The following SPAG16 variants were observed in gnomAD, a reference collection of about 807,000 sequenced individuals.
The protein encoded by SPAG16 is sperm-associated antigen 16 protein.
A neutral mutation model predicts 80.4 loss-of-function variants in SPAG16; 86 were observed. The observed-to-expected ratio is 1.07, with a 90% confidence interval of 0.90 to 1.28. SPAG16 has a LOEUF of 1.28. Ranked by LOEUF, SPAG16 falls within the 50% of genes most tolerant of loss-of-function variation. The pLI is 0.00. For synonymous variants in SPAG16, 294 were observed against 265.9 expected, an observed-to-expected ratio of 1.11 and a Z score of -1.03; for missense variants, 870 against 765.3, an observed-to-expected ratio of 1.14 and a Z score of -1.61.
chr2:214,213,538 T>C (rs2058350637), intron 15 of SPAG16, among the ~76,000 whole-genome samples: 1 of 152,182 alleles, frequency 6.6e-6, no homozygotes, highest in African/African-American at 2.4e-5. Flanking sequence ...TATAGCATTA[T>C]TGTTGACATT....
intron 14 of SPAG16, among the ~76,000 whole-genome samples, chr2:214,112,812 C>T (rs569614458): frequency 1.4e-4 from 21 of 152,070 alleles, no homozygotes; most frequent in African/African-American, 4.6e-4. Context: ...GGGCATATGG[C>T]CCATTTACAT....
At chr2:214,014,107 C>T in intron 13 of SPAG16, 30 bp downstream of exon 13, 1 of 1,608,380 alleles carries the variant, frequency 6.2e-7, no homozygotes, top group Non-Finnish European at 8.5e-7. Flanking sequence ...TTTTTCCCAG[C>T]TTTTGATAAG....
At chr2:214,085,872 G>A (rs746460218) in intron 13 of SPAG16, among the ~76,000 whole-genome samples, 21 of 152,254 alleles carry the variant, frequency 1.4e-4, no homozygotes, top group Non-Finnish European at 2.6e-4. Flanking sequence ...GCACTTTTGC[G>A]TGATATTTAT....
At chr2:213,922,831 G>A (rs1365196891) in intron 11 of SPAG16, among the ~76,000 whole-genome samples, 3 of 152,010 alleles carry the variant, frequency 2.0e-5, no homozygotes, top group Non-Finnish European at 2.9e-5. Context: ...CTGCATGCCC[G>A]CATTTCTTCT....
chr2:214,158,689 A>G (rs933913093), intron 15 of SPAG16, among the ~76,000 whole-genome samples: 3 of 151,980 alleles, frequency 2.0e-5, no homozygotes, highest in African/African-American at 7.2e-5. Context: ...TAAAATAGGT[A>G]TATTTATAAT....
intron 15 of SPAG16, among the ~76,000 whole-genome samples, chr2:214,215,467 T>C (rs1289361474): frequency 2.0e-5 from 3 of 152,182 alleles, no homozygotes; most frequent in African/African-American, 7.2e-5. Flanking sequence ...CAGAAGCTTG[T>C]AGACCTTATG....
chr2:213,386,408 C>T (rs1575447399), intron 9 of SPAG16, among the ~76,000 whole-genome samples: 1 of 152,118 alleles, frequency 6.6e-6, no homozygotes, highest in East Asian at 1.9e-4. Context: ...GCAGTTTCCC[C>T]ATTTTCCTTT....
chr2:214,224,910 A>C (rs994378417), intron 15 of SPAG16, among the ~76,000 whole-genome samples: 4 of 152,140 alleles, frequency 2.6e-5, no homozygotes, highest in African/African-American at 9.7e-5. Flanking sequence ...GCAGGGGTAG[A>C]GTCAAATAAT....
intron 11 of SPAG16, among the ~76,000 whole-genome samples, chr2:213,896,592 G>GCACA (rs372673398): frequency 0.026 from 2,912 of 111,902 alleles, 143 homozygotes; most frequent in African/African-American, 0.093. Context: ...ACACACACAC[G>GCACA]CACACACACA....
At chr2:214,183,202 T>C (rs1452430440) in intron 15 of SPAG16, among the ~76,000 whole-genome samples, 2 of 152,038 alleles carry the variant, frequency 1.3e-5, no homozygotes, top group Non-Finnish European at 2.9e-5. Context: ...TATTTGTGGT[T>C]ATCTGAACTC....
At chr2:213,680,262 C>T (rs185230524) in intron 10 of SPAG16, among the ~76,000 whole-genome samples, 156 of 152,058 alleles carry the variant, frequency 1.0e-3, no homozygotes, top group Middle Eastern at 3.4e-3. Flanking sequence ...TGATAAGGAG[C>T]CTTGTTTGGC....
chr2:213,537,270 A>G (rs2076284479), intron 10 of SPAG16, among the ~76,000 whole-genome samples: 1 of 151,958 alleles, frequency 6.6e-6, no homozygotes, highest in Non-Finnish European at 1.5e-5. Flanking sequence ...TATGTAACTA[A>G]CCTTCACATT....
intron 13 of SPAG16, among the ~76,000 whole-genome samples, chr2:214,075,476 A>T (rs957931137): frequency 5.9e-5 from 9 of 152,172 alleles, no homozygotes; most frequent in Non-Finnish European, 1.2e-4. Flanking sequence ...TGGACGCCGT[A>T]ATGATCTACA....
At chr2:214,277,591 C>T (rs894828554) in intron 15 of SPAG16, among the ~76,000 whole-genome samples, 6 of 149,468 alleles carry the variant, frequency 4.0e-5, no homozygotes, top group Non-Finnish European at 7.5e-5. Flanking sequence ...ACTCCAGACC[C>T]TGTTTGCCTG....
At chr2:213,773,501 G>A (rs2069382285) in intron 10 of SPAG16, among the ~76,000 whole-genome samples, 1 of 152,034 alleles carries the variant, frequency 6.6e-6, no homozygotes, top group Non-Finnish European at 1.5e-5. Flanking sequence ...TAATGGTAGT[G>A]TATCCTTTCC....
At chr2:214,293,619 G>A (rs1693946063) in intron 15 of SPAG16, among the ~76,000 whole-genome samples, 1 of 152,252 alleles carries the variant, frequency 6.6e-6, no homozygotes, top group South Asian at 2.1e-4. Context: ...GCTGTGTTAT[G>A]AGTCTGCTTC....
chr2:213,993,444 A>G (rs2106458791), intron 12 of SPAG16, among the ~76,000 whole-genome samples: 1 of 152,328 alleles, frequency 6.6e-6, no homozygotes, highest in East Asian at 1.9e-4. Flanking sequence ...TGTTCTTAAC[A>G]TATTCACAAG....
chr2:214,355,126 C>T (rs1698688664), intron 15 of SPAG16, among the ~76,000 whole-genome samples: 1 of 151,172 alleles, frequency 6.6e-6, no homozygotes, highest in South Asian at 2.1e-4. Flanking sequence ...GACTTCATGT[C>T]TAAAACACCA....
intron 3 of SPAG16, among the ~76,000 whole-genome samples, chr2:213,304,320 A>G (rs1254287904): frequency 6.6e-6 from 1 of 152,024 alleles, no homozygotes; most frequent in Non-Finnish European, 1.5e-5. Context: ...CTCCCATTCT[A>G]TGGGTAGTCC....
Sources: gnomAD v4.1 joint callset for allele counts (sites outside exome capture counted in the v4.1 genomes callset) on GRCh38, gnomAD v4.1.1 for gene constraint, MANE v1.5 for transcripts, NCBI Gene and HGNC (gene_info 2026-07-23, HGNC 2026-07-21) for gene names.